Variants in SMARCE1 observed in about 807,000 individuals in gnomAD.
The protein encoded by SMARCE1 is SWI/SNF related BAF chromatin remodeling complex subunit E1.
SMARCE1 carries 13 observed loss-of-function variants against 54.9 expected under a neutral mutation model. That is an observed-to-expected ratio of 0.24 (90% CI 0.15 to 0.38). The LOEUF is 0.38. Ranked by LOEUF, SMARCE1 falls within the 10% of genes least tolerant of loss-of-function variation. The pLI is 1.00. For missense variants in SMARCE1, 295 were observed against 523.8 expected (o/e 0.56, Z 4.26); for synonymous variants, 151 against 175.3 (o/e 0.86, Z 1.10).
chr17:40,646,516 A>G (rs2037258525), intron 1 of SMARCE1, among the ~76,000 whole-genome samples: 2 of 152,224 alleles, frequency 1.3e-5, no homozygotes, highest in African/African-American at 2.4e-5. Context: ...ATTCCTATAC[A>G]GTTTACACAG....
In SMARCE1 at chr17:40,625,698, G is replaced by C. The variant is rs1033753277; in HGVS notation, c.*3087C>G. On this transcript the variant is annotated 3_prime_UTR_variant, in exon 11 of 11. Coordinates refer to ENST00000348513, the MANE Select transcript of SMARCE1 (RefSeq NM_003079.5). ...TAGGATCAAAACCAAAAATCTGGAG[G>C]GATCTAGTTAAACTTCAATATGCAT... 3.6e-4 allele frequency: 55 copies of C among 152,188 alleles called. No homozygotes were observed. The highest frequency in any genetic ancestry group is 1.3e-3 in the African/African-American group (54 of 41,502). 9.4% of individuals were successfully genotyped at this position (152,188 alleles called of 1,614,324 possible).
rs2037062100 is a variant in SMARCE1, at chr17:40,628,912, C to T, written c.1109G>A (p.Gly370Glu). The T allele has an allele frequency of 1.2e-6, 2 of 1,613,794 alleles. No homozygotes were observed. The highest frequency in any genetic ancestry group is 1.1e-5 in the South Asian group (1 of 91,074). ...TGCCATACTGTCGACCCCCTCCTGC[C>T]CACTCTCCTTGTCCTCAGGAGTAGA... is the stretch of plus-strand genomic sequence containing the variant. ...GTSTPEDKES[G>E]QEGVDSMAEE... The change falls in exon 11 of 11, where the codon GGG becomes GAG. Residue 370 changes from glycine to glutamate, a missense_variant. Around this residue, in one of 5 missense-constraint regions of SMARCE1, gnomAD observed 147 missense variants for 161.4 expected, o/e 0.91. Coordinates refer to ENST00000348513, the MANE Select transcript of SMARCE1 (RefSeq NM_003079.5).
intron 4 of SMARCE1, chr17:40,641,488 C>T (rs2037199833): frequency 6.6e-6 from 1 of 152,196 alleles, no homozygotes; most frequent in African/African-American, 2.4e-5. Context: ...TCCAGCTTGA[C>T]TACAGGGTGA....
intron 4 of SMARCE1, among the ~76,000 whole-genome samples, chr17:40,640,385 A>G (rs996156125): frequency 6.6e-6 from 1 of 152,208 alleles, no homozygotes; most frequent in Non-Finnish European, 1.5e-5. Flanking sequence ...CAAAGTATTT[A>G]CTGTCTGAGA....
At chr17:40,639,459 T>G (rs2037176160) in intron 4 of SMARCE1, among the ~76,000 whole-genome samples, 1 of 152,208 alleles carries the variant, frequency 6.6e-6, no homozygotes, top group Admixed American at 6.5e-5. Context: ...ATGCCTATGC[T>G]TCCGAGCTTT....
At chr17:40,637,417 G>A (rs1416904005) in intron 5 of SMARCE1, 75 bp downstream of exon 5, 2 of 1,185,162 alleles carry the variant, frequency 1.7e-6, no homozygotes, top group South Asian at 1.2e-5. Context: ...TGGCTAAGCC[G>A]ATCTAAAGTT....
chr17:40,630,300 G>A, intron 10 of SMARCE1: 1 of 1,207,032 alleles, frequency 8.3e-7, no homozygotes, highest in Non-Finnish European at 1.2e-6. Context: ...TAAAGAGCCA[G>A]ATAGAAAATA....
chr17:40,645,844 G>T lies in SMARCE1; in HGVS notation c.-42C>A. On this transcript the variant is annotated 5_prime_UTR_variant, in exon 2 of 11. Coordinates refer to ENST00000348513, the MANE Select transcript of SMARCE1 (RefSeq NM_003079.5). Reference sequence around the variant, plus strand: ...CTCAGTTCCTTAAGAATGAATCTGAGACACTAAAATAAAAAAAAAAGGAAA... The same window carrying T: ...CTCAGTTCCTTAAGAATGAATCTGATACACTAAAATAAAAAAAAAAGGAAA... The T allele has an allele frequency of 1.1e-6, 1 of 933,514 alleles. No homozygotes were observed. The highest frequency in any genetic ancestry group is 1.5e-6 in the Non-Finnish European group (1 of 684,210). The allele number at this position is 933,514 out of a possible 1,614,324, so 57.8% of individuals were successfully genotyped here. A position where few individuals can be genotyped will look rare whatever the true frequency, so the allele number is the denominator to read the frequency against.
Position 40,627,889 on chromosome 17 carries a change from A to G in SMARCE1, c.*896T>C, listed in dbSNP as rs751562026. 6 of 152,612 alleles carry G rather than the reference A, an allele frequency of 3.9e-5. No homozygotes were observed. Among genetic ancestry groups the G allele is most frequent in the Non-Finnish European group, 5.9e-5 (4 of 68,038 alleles). The allele number at this position is 152,612 out of a possible 1,614,324, so 9.5% of individuals were successfully genotyped here. A position where few individuals can be genotyped will look rare whatever the true frequency, so the allele number is the denominator to read the frequency against. ...AAAAAGGTGGGCTCTGGTCTATGGG[A>G]TCCTGAGCCTTGAGGTTTGGATGTT... On this transcript the variant is annotated 3_prime_UTR_variant, in exon 11 of 11. Transcript: ENST00000348513.
At chr17:40,636,145 A>T (rs909937673) in intron 6 of SMARCE1, 43 bp from the exon 7 acceptor site, 5 of 1,498,020 alleles carry the variant, frequency 3.3e-6, no homozygotes, top group Non-Finnish European at 3.7e-6. Flanking sequence ...AACATTTTGC[A>T]GGTTATAATG....
chr17:40,645,899 TACGAGA>T (rs1356287570), intron 1 of SMARCE1, 52 bp from the exon 2 acceptor site: 2 of 558,190 alleles, frequency 3.6e-6, no homozygotes, highest in Non-Finnish European at 5.8e-6. Flanking sequence ...TCAGCAAGCA[TACGAGA>T]ATGTTTTCCT....
At chr17:40,633,920 T>A (rs187884160) in intron 7 of SMARCE1, 1 of 152,262 alleles carries the variant, frequency 6.6e-6, no homozygotes, top group Non-Finnish European at 1.5e-5. Context: ...TTCTTTCATT[T>A]ATATGGCCCC....
At position 40,627,655 on chromosome 17, in the gene SMARCE1, A is replaced by T. The variant is rs2037048904; in HGVS notation, c.*1130T>A. ...CACACTGTCACTGCATTACAGAAAA[A>T]AACTGGATGCTTGTCTTGCATACAA... is the stretch of plus-strand genomic sequence containing the variant. On this transcript the variant is annotated 3_prime_UTR_variant, in exon 11 of 11. Coordinates refer to ENST00000348513, the MANE Select transcript of SMARCE1 (RefSeq NM_003079.5). The T allele has an allele frequency of 6.6e-6, 1 of 152,664 alleles. No individual in the cohort carries two copies. Among genetic ancestry groups the T allele is most frequent in the Non-Finnish European group, 1.5e-5 (1 of 68,034 alleles). 9.5% of individuals were successfully genotyped at this position (152,664 alleles called of 1,614,324 possible).
intron 3 of SMARCE1, chr17:40,644,752 T>C (rs1487067373): frequency 6.6e-6 from 1 of 152,148 alleles, no homozygotes; most frequent in Non-Finnish European, 1.5e-5. Context: ...AAAAGTAGAC[T>C]AGCCTGAAAT....
intron 8 of SMARCE1, 40 bp downstream of exon 8, chr17:40,632,155 A>G (rs1567845743): frequency 6.7e-7 from 1 of 1,498,492 alleles, no homozygotes; most frequent in Non-Finnish European, 9.2e-7. Flanking sequence ...GATTTGTGGT[A>G]TAGGCACATC....
chr17:40,646,540 T>C (rs2037258836), intron 1 of SMARCE1, among the ~76,000 whole-genome samples: 1 of 152,194 alleles, frequency 6.6e-6, no homozygotes, highest in Non-Finnish European at 1.5e-5. Flanking sequence ...TATATTATTA[T>C]AACTTTTTTT....
At chr17:40,640,585 T>C (rs1597748536) in intron 4 of SMARCE1, 1 of 152,212 alleles carries the variant, frequency 6.6e-6, no homozygotes, top group Non-Finnish European at 1.5e-5. Flanking sequence ...AAAATCAAAA[T>C]GCTTTTATTA....
rs1466148939 is a variant in SMARCE1 at position 40,627,273 on chromosome 17, A to C, written c.*1512T>G. 6.6e-6 allele frequency: 1 copy of C among 152,222 alleles called. No homozygotes were observed. Among genetic ancestry groups the C allele is most frequent in the Non-Finnish European group, 1.5e-5 (1 of 68,034 alleles). 9.4% of individuals were successfully genotyped at this position (152,222 alleles called of 1,614,324 possible). A position where few individuals can be genotyped will look rare whatever the true frequency, so the allele number is the denominator to read the frequency against. ...CCCCTCCTCTCTCAGGAGGCTGAAC[A>C]CACATTCCTAGTCACTAATGTGCTA... is the stretch of plus-strand genomic sequence containing the variant. On this transcript the variant is annotated 3_prime_UTR_variant, in exon 11 of 11. Transcript: ENST00000348513.
At position 40,628,714 on chromosome 17, in the gene SMARCE1, T is replaced by G; in HGVS notation, c.*71A>C. The stretch of plus-strand genomic sequence containing the variant: ...AAAAAAAATTAATACACAAACCACG[T>G]AACACCATTAAAACCAAAAAACATT... On this transcript the variant is annotated 3_prime_UTR_variant, in exon 11 of 11. Transcript: ENST00000348513. 7.8e-7 allele frequency: 1 copy of G among 1,274,806 alleles called. No homozygotes were observed. The highest frequency in any genetic ancestry group is 1.1e-6 in the Non-Finnish European group (1 of 885,068). 79.0% of individuals were successfully genotyped at this position (1,274,806 alleles called of 1,614,324 possible).
Sources: gnomAD v4.1 joint callset for allele counts (sites outside exome capture counted in the v4.1 genomes callset) on GRCh38, gnomAD v4.1.1 for gene constraint, gnomAD v4.1.1 regional missense constraint, MANE v1.5 for transcripts, NCBI Gene and HGNC (gene_info 2026-07-23, HGNC 2026-07-21) for gene names.